Variants in SUPT6H observed in about 807,000 individuals in gnomAD.
The protein encoded by SUPT6H is SPT6 homolog, histone chaperone and transcription elongation factor.
SUPT6H carries 11 observed loss-of-function variants against 222.3 expected under a neutral mutation model. The observed-to-expected ratio is 0.05, with a 90% CI of 0.03 to 0.08. SUPT6H has a LOEUF of 0.08. Ranked by LOEUF, SUPT6H falls within the 10% of genes least tolerant of loss-of-function variation. The pLI, the probability that SUPT6H is intolerant of heterozygous loss-of-function variation, is 1.00. For synonymous variants in SUPT6H, 762 were observed against 801.2 expected, an observed-to-expected ratio of 0.95 and a Z score of 0.83; for missense variants, 1,422 against 2,216.0, an observed-to-expected ratio of 0.64 and a Z score of 7.19.
At position 28,684,831 on chromosome 17, in the gene SUPT6H, G is replaced by A. The variant is rs1354136528; in HGVS notation, c.2370-13G>A. 6.2e-7 allele frequency: 1 copy of A among 1,613,858 alleles called. No homozygotes were observed. Among genetic ancestry groups the A allele is most frequent in the East Asian group, 2.2e-5 (1 of 44,888 alleles). On this transcript the variant is annotated splice_polypyrimidine_tract_variant and intron_variant, in intron 18 of 36. Coordinates refer to ENST00000314616, the MANE Select transcript of SUPT6H (RefSeq NM_003170.5). ...CTGATTATTGCATTCTTGTTTTTCTGTCTGTCTGGCAGAGATCACCCTGTG... is the reference window on the plus strand; with the variant it reads ...CTGATTATTGCATTCTTGTTTTTCTATCTGTCTGGCAGAGATCACCCTGTG...
At position 28,683,020 on chromosome 17, in the gene SUPT6H, C is replaced by T. The variant is rs1369364973; in HGVS notation, c.1806C>T (p.Val602=). Residue 602 remains valine, a synonymous_variant, in exon 15 of 37, where the codon GTC becomes GTT. Coordinates refer to ENST00000314616, the MANE Select transcript of SUPT6H (RefSeq NM_003170.5). ...TGCAGATTGCCCGTGAGCCCCTTGT[C>T]CGGCAGGTGCTGAGGCAAACCTTCC... ...VALQIAREPL[V]RQVLRQTFQE... 6.2e-6 allele frequency: 10 copies of T among 1,613,882 alleles called. No homozygotes were observed. In the Admixed American group the frequency reaches 1.7e-4, roughly 27 times the overall value.
At chr17:28,700,727 C>A (rs1387712003) in intron 35 of SUPT6H, 22 of 924,658 alleles carry the variant, frequency 2.4e-5, no homozygotes, top group Non-Finnish European at 3.2e-6. Flanking sequence ...TTGGAACCCG[C>A]AAGCCACCAG....
Position 28,695,503 on chromosome 17 carries a change from A to G in SUPT6H, c.3926A>G (p.Asp1309Gly), listed in dbSNP as rs1340301875. Residue 1309 changes from aspartate (D) to glycine (G), a missense_variant, in exon 29 of 37, where the codon GAC (aspartate) becomes GGC (glycine). By Grantham distance (94) the Asp-to-Gly change is moderately conservative. Transcript: ENST00000314616. ...TATGACTTTGATGCTGAAGCTGCAG[A>G]CCACAAGCAGGAGGAGGACATGAAG... ...TYYDFDAEAA[D>G]HKQEEDMKRK... is the part of the protein sequence containing the mutation. 6.2e-7 allele frequency: 1 copy of G among 1,613,962 alleles called. No individual in the cohort carries two copies. Among genetic ancestry groups the G allele is most frequent in the Non-Finnish European group, 8.5e-7 (1 of 1,180,028 alleles).
intron 29 of SUPT6H, among the ~76,000 whole-genome samples, chr17:28,696,536 C>T (rs956566372): frequency 1.4e-5 from 2 of 140,754 alleles, no homozygotes; most frequent in African/African-American, 5.4e-5. Flanking sequence ...TGCAGTGAGC[C>T]AGAATTGCGC....
In SUPT6H at chr17:28,674,296, G is replaced by A. The variant is rs1274266980; in HGVS notation, c.123G>A (p.Glu41=). 5.6e-6 allele frequency: 9 copies of A among 1,614,016 alleles called. No homozygotes were observed. Among genetic ancestry groups the A allele is most frequent in the African/African-American group, 5.3e-5 (4 of 74,900 alleles). The change falls in exon 3 of 37, where the codon GAG becomes GAA. Residue 41 remains glutamate (E), a synonymous_variant. Transcript: ENST00000314616. The part of the protein sequence containing the change: ...VEEEDDDEEE[E]EENLDDQDEQ... Reference sequence around the variant, plus strand: ...CATGTCTTCCAGATGAGGAGGAGGAGGAGGAGAACCTAGATGATCAGGATG... The same window carrying A: ...CATGTCTTCCAGATGAGGAGGAGGAAGAGGAGAACCTAGATGATCAGGATG...
At position 28,681,872 on chromosome 17, in the gene SUPT6H, T is replaced by C. The variant is rs1473475307; in HGVS notation, c.1499-10T>C. On this transcript the variant is annotated splice_polypyrimidine_tract_variant and intron_variant, in intron 12 of 36. Transcript: ENST00000314616. ...CTAGAACCCTAAATCTCCCCATGTT[T>C]TCTTCCCAGGTGAAGGTGACGAGGC... is the stretch of plus-strand genomic sequence containing the variant. 1 of 1,603,130 alleles carries C rather than the reference T, an allele frequency of 6.2e-7. No individual in the cohort carries two copies. Among genetic ancestry groups the C allele is most frequent in the Admixed American group, 1.7e-5 (1 of 57,914 alleles).
chr17:28,690,969 A>G lies in SUPT6H; in HGVS notation c.3539A>G (p.Gln1180Arg). 2 of 1,614,090 alleles carry G rather than the reference A, an allele frequency of 1.2e-6. No individual in the cohort carries two copies. Among genetic ancestry groups the G allele is most frequent in the Non-Finnish European group, 1.7e-6 (2 of 1,180,022 alleles). Reference sequence around the variant, plus strand: ...ACTGGCATTGCCCACAGGCGTCCCCAGGGTGAGAGCTATGACCAGGCGATC... The same window carrying G: ...ACTGGCATTGCCCACAGGCGTCCCCGGGGTGAGAGCTATGACCAGGCGATC... ...NVTGIAHRRP[Q>R]GESYDQAIRN... is the part of the protein sequence containing the mutation. The change falls in exon 27 of 37, where the codon CAG becomes CGG. Residue 1180 changes from glutamine to arginine, a missense_variant. By Grantham distance (43) the Gln-to-Arg change is conservative (BLOSUM62 1). This residue lies in a region of SUPT6H where 60 missense variants were observed against 96.7 expected (regional missense o/e 0.62). Coordinates refer to ENST00000314616, the MANE Select transcript of SUPT6H (RefSeq NM_003170.5).
intron 23 of SUPT6H, among the ~76,000 whole-genome samples, chr17:28,687,706 C>T (rs539977326): frequency 8.0e-4 from 122 of 152,054 alleles, no homozygotes; most frequent in Admixed American, 2.7e-3. Context: ...TTAGTAGAGA[C>T]GGGGTTTCAC....
intron 20 of SUPT6H, 26 bp from the exon 21 acceptor site, chr17:28,686,628 T>G: frequency 6.4e-7 from 1 of 1,561,896 alleles, no homozygotes; most frequent in Non-Finnish European, 8.7e-7. Flanking sequence ...GAAAACATAT[T>G]CATTGACCAA....
intron 29 of SUPT6H, among the ~76,000 whole-genome samples, chr17:28,696,485 T>C (rs757939797): frequency 6.8e-6 from 1 of 147,542 alleles, no homozygotes; most frequent in Non-Finnish European, 1.5e-5. Context: ...TAATCCCAGC[T>C]ACTGAGGCAG....
chr17:28,682,019 T>C (rs542206700), intron 13 of SUPT6H, 39 bp downstream of exon 13: 90 of 1,537,072 alleles, frequency 5.9e-5, no homozygotes, highest in Non-Finnish European at 7.6e-5. Context: ...CATTCTAGCC[T>C]GAGCAAGGGG....
intron 30 of SUPT6H, 149 bp from the exon 31 acceptor site, chr17:28,697,471 T>C (rs1394696755): frequency 1.5e-6 from 1 of 652,644 alleles, no homozygotes; most frequent in Non-Finnish European, 2.7e-6. Context: ...TGAGCTAATA[T>C]ATCTGGACAT....
At chr17:28,685,392 C>T (rs2031328854) in intron 19 of SUPT6H, among the ~76,000 whole-genome samples, 1 of 151,974 alleles carries the variant, frequency 6.6e-6, no homozygotes, top group Non-Finnish European at 1.5e-5. Flanking sequence ...TCTGTAGTAT[C>T]TTTCAGTTTT....
chr17:28,687,260 G>A, intron 22 of SUPT6H, 35 bp downstream of exon 22: 1 of 1,614,184 alleles, frequency 6.2e-7, no homozygotes, highest in South Asian at 1.1e-5. Flanking sequence ...TCGGGTGAAG[G>A]GAAAGGCAGA....
In SUPT6H at chr17:28,696,943, T is replaced by C; in HGVS notation, c.4070T>C (p.Ile1357Thr). The C allele has an allele frequency of 6.2e-7, 1 of 1,613,892 alleles. No individual in the cohort carries two copies. The highest frequency in any genetic ancestry group is 8.5e-7 in the Non-Finnish European group (1 of 1,179,996). ...METMDQGDVI[I>T]RPSSKGENHL... ...ACCATGGACCAGGGTGATGTGATTA[T>C]CCGACCAAGCAGCAAGGGCGAGAAC... The change falls in exon 30 of 37, where the codon ATC (isoleucine) becomes ACC (threonine). Residue 1357 changes from isoleucine to threonine, a missense_variant. Around this residue, in one of 13 missense-constraint regions of SUPT6H, gnomAD observed 395 missense variants for 580.6 expected, o/e 0.68. Transcript: ENST00000314616.
chr17:28,674,698 G>T, intron 4 of SUPT6H, 85 bp downstream of exon 4: 2 of 1,295,102 alleles, frequency 1.5e-6, no homozygotes, highest in South Asian at 1.2e-5. Flanking sequence ...GGAGGCACAC[G>T]CAGGACAGTT....
rs2030744447 is a variant in SUPT6H at position 28,676,344 on chromosome 17, A to G, written c.811A>G (p.Met271Val). 2 of 1,613,868 alleles carry G rather than the reference A, an allele frequency of 1.2e-6. No individual in the cohort carries two copies. Among genetic ancestry groups the G allele is most frequent in the East Asian group, 2.2e-5 (1 of 44,880 alleles). The change falls in exon 7 of 37, where the codon ATG becomes GTG. Residue 271 changes from methionine to valine, a missense_variant. This residue lies in a region of SUPT6H where 389 missense variants were observed against 544.6 expected (regional missense o/e 0.71). Transcript: ENST00000314616. ...KRVSRRSIFE[M>V]YEPSELESSH... Reference sequence around the variant, plus strand: ...TGTGAGCCGTAGGAGCATCTTTGAAATGTATGAGCCCAGTGAGCTAGAAAG... The same window carrying G: ...TGTGAGCCGTAGGAGCATCTTTGAAGTGTATGAGCCCAGTGAGCTAGAAAG...
rs1414657702 is a variant in SUPT6H at position 28,684,835 on chromosome 17, G to A, written c.2370-9G>A. 1 of 1,613,934 alleles carries A rather than the reference G, an allele frequency of 6.2e-7. No homozygotes were observed. The highest frequency in any genetic ancestry group is 1.3e-5 in the African/African-American group (1 of 74,904). On this transcript the variant is annotated splice_polypyrimidine_tract_variant and intron_variant, in intron 18 of 36. Transcript: ENST00000314616. ...TTATTGCATTCTTGTTTTTCTGTCT[G>A]TCTGGCAGAGATCACCCTGTGTTCT...
rs1295677620 is a variant in SUPT6H at position 28,682,708 on chromosome 17, A to T, written c.1598-19A>T. ...CAGCCTATCTGCTGCCTTACCCTTC[A>T]CTCTTCTGTTTGCTTTAGATGGCCT... is the stretch of plus-strand genomic sequence containing the variant. On this transcript the variant is annotated intron_variant, in intron 13 of 36. Transcript: ENST00000314616. 6.2e-7 allele frequency: 1 copy of T among 1,613,194 alleles called. No homozygotes were observed.
Sources: allele counts gnomAD v4.1 joint callset (sites outside exome capture counted in the v4.1 genomes callset), GRCh38; gene constraint gnomAD v4.1.1; regional missense constraint gnomAD v4.1.1; transcripts MANE v1.5; gene names NCBI Gene and HGNC (gene_info 2026-07-23, HGNC 2026-07-21).